Variants in CACNA1D observed in about 807,000 individuals in gnomAD.
The protein encoded by CACNA1D is calcium voltage-gated channel subunit alpha1 D.
Under a neutral mutation model 257.1 loss-of-function variants are expected in CACNA1D, and 55 were observed. The observed-to-expected ratio is 0.21, with a 90% confidence interval of 0.17 to 0.27. The LOEUF (loss-of-function observed/expected upper bound fraction) is 0.27. Among genes scored for constraint, CACNA1D ranks in the 10% least tolerant of loss-of-function variants. CACNA1D has a pLI of 1.00. For missense variants in CACNA1D, 1,876 were observed against 2,784.0 expected (o/e 0.67, Z 7.34); for synonymous variants, 980 against 1,014.9 (o/e 0.97, Z 0.65).
chr3:53,495,613 C>T lies in CACNA1D; in HGVS notation c.67+380C>T, dbSNP rs889907461. Among the ~76,000 whole-genome samples, 5 of 152,152 alleles carry T rather than the reference C, an allele frequency of 3.3e-5. No homozygotes were observed. Among genetic ancestry groups the T allele is most frequent in the Admixed American group, 1.3e-4 (2 of 15,284 alleles). ...AGCCCCCTTGCCAGCCTCTTCTCGCCTTCCACTCCTCCCCCGCCCCCTCGT... is the reference window on the plus strand; with the variant it reads ...AGCCCCCTTGCCAGCCTCTTCTCGCTTTCCACTCCTCCCCCGCCCCCTCGT... On this transcript the variant is annotated intron_variant, in intron 1 of 47. Transcript: ENST00000350061. The surrounding 1 kb of genome is among the most constrained non-coding windows in gnomAD (Gnocchi z 5.1).
chr3:53,703,954 A>T (rs2094655412), intron 9 of CACNA1D, among the ~76,000 whole-genome samples: 1 of 152,136 alleles, frequency 6.6e-6, no homozygotes, highest in Non-Finnish European at 1.5e-5. Flanking sequence ...CTGGGCCCTG[A>T]AGGATGGATG....
intron 3 of CACNA1D, among the ~76,000 whole-genome samples, chr3:53,633,612 A>G (rs898415): frequency 0.63 from 95,999 of 152,070 alleles, 32,475 homozygotes; most frequent in African/African-American, 0.87. Context: ...CATCCAGCTC[A>G]ATTTCAGCTT....
chr3:53,710,660 G>T (rs2094743791), intron 9 of CACNA1D, among the ~76,000 whole-genome samples: 1 of 152,150 alleles, frequency 6.6e-6, no homozygotes, highest in South Asian at 2.1e-4. Context: ...AGATAGCATT[G>T]CAGTTTTCTT....
intron 3 of CACNA1D, among the ~76,000 whole-genome samples, chr3:53,520,849 C>CCTTTCTTTCTTTCTCT (rs2091527718): frequency 7.5e-6 from 1 of 133,000 alleles, no homozygotes; most frequent in South Asian, 2.6e-4. Flanking sequence ...TTTGCAAACT[C>CCTTTCTTTCTTTCTCT]CTTTCTTTCT....
intron 20 of CACNA1D, among the ~76,000 whole-genome samples, chr3:53,738,497 G>A (rs2095081239): frequency 6.6e-6 from 1 of 152,106 alleles, no homozygotes. Flanking sequence ...AAGGACACAA[G>A]GGCAGTGTTT....
chr3:53,771,568 T>TG, intron 32 of CACNA1D, among the ~76,000 whole-genome samples: 1 of 152,250 alleles, frequency 6.6e-6, no homozygotes, highest in African/African-American at 2.4e-5. Flanking sequence ...GAAGGTAAAG[T>TG]GGGGGCCTCA....
At chr3:53,674,043 C>T (rs1330031667) in intron 8 of CACNA1D, 3 of 613,628 alleles carry the variant, frequency 4.9e-6, no homozygotes, top group Non-Finnish European at 5.9e-6. Context: ...AAACGTTCCC[C>T]CAAAGCCAGT....
intron 3 of CACNA1D, among the ~76,000 whole-genome samples, chr3:53,577,036 A>G (rs1285681870): frequency 3.9e-5 from 6 of 152,168 alleles, no homozygotes; most frequent in Non-Finnish European, 5.9e-5. Context: ...TACAGGGGCA[A>G]TCGGAGCTGT....
intron 8 of CACNA1D, among the ~76,000 whole-genome samples, chr3:53,693,433 A>T (rs979701644): frequency 6.6e-5 from 10 of 151,542 alleles, no homozygotes; most frequent in Non-Finnish European, 2.9e-5. Flanking sequence ...AAAATTTTTT[A>T]AATTGTGAAA....
intron 9 of CACNA1D, 105 bp from the exon 10 acceptor site, chr3:53,718,196 C>T: frequency 4.2e-6 from 4 of 952,510 alleles, no homozygotes; most frequent in Non-Finnish European, 6.8e-6. Context: ...TCACCCTCCT[C>T]CTGGGTTCCG....
chr3:53,539,624 T>C (rs1435599117), intron 3 of CACNA1D, among the ~76,000 whole-genome samples: 1 of 152,190 alleles, frequency 6.6e-6, no homozygotes, highest in Non-Finnish European at 1.5e-5. Flanking sequence ...TTTTGAAGGG[T>C]ATATACATAG....
chr3:53,661,879 G>A lies in CACNA1D; in HGVS notation c.766+1604G>A, dbSNP rs540177843. Among the ~76,000 whole-genome samples the A allele has an allele frequency of 2.6e-5, 4 of 152,318 alleles. No homozygotes were observed. In the South Asian group the frequency reaches 8.3e-4, roughly 32 times the overall value. ...TGAAATTTGATAGGGAGATTTGTAT[G>A]TAACTCTCCCCCAGGTCAGCAGGGA... On this transcript the variant is annotated intron_variant, in intron 5 of 47. Transcript: ENST00000350061.
intron 3 of CACNA1D, among the ~76,000 whole-genome samples, chr3:53,522,748 C>T (rs930282794): frequency 3.3e-5 from 5 of 151,992 alleles, no homozygotes; most frequent in African/African-American, 7.3e-5. Flanking sequence ...TTAGGGTATC[C>T]GCCACCTCAA....
In CACNA1D at chr3:53,753,663, T is replaced by C. The variant is rs2095244013; in HGVS notation, c.3767T>C (p.Val1256Ala). ...GVFTVEMVLK[V>A]IAFKPKGYFS... The stretch of plus-strand genomic sequence containing the variant: ...TTCACCGTCGAGATGGTTTTGAAAG[T>C]CATCGCATTTAAGCCTAAGGTGAGT... The change falls in exon 29 of 48, where the codon GTC (valine) becomes GCC (alanine). Residue 1256 changes from valine to alanine, a missense_variant. Physicochemically the swap from Val to Ala is moderately conservative, Grantham distance 64. Coordinates refer to ENST00000350061, the MANE Select transcript of CACNA1D (RefSeq NM_001128840.3). 2 of 1,610,390 alleles carry C rather than the reference T, an allele frequency of 1.2e-6. No homozygotes were observed. The highest frequency in any genetic ancestry group is 1.7e-6 in the Non-Finnish European group (2 of 1,176,494).
Position 53,542,459 on chromosome 3 carries a change from A to G in CACNA1D, c.483+40739A>G, listed in dbSNP as rs1042428462. Among the ~76,000 whole-genome samples the G allele has an allele frequency of 3.9e-5, 6 of 152,110 alleles. 1 individual carries two copies. The highest frequency in any genetic ancestry group is 9.7e-5 in the African/African-American group (4 of 41,400). On this transcript the variant is annotated intron_variant, in intron 3 of 47. Coordinates refer to ENST00000350061, the MANE Select transcript of CACNA1D (RefSeq NM_001128840.3). ...CAGAGCATGGTGGTGGTGTGGCTGT[A>G]GCACTAGCTACTCAAGAGGCTGAGG...
chr3:53,808,413 CAAA>C (rs373675018), intron 45 of CACNA1D: 523 of 419,106 alleles, frequency 1.2e-3, no homozygotes, highest in East Asian at 1.9e-3. Flanking sequence ...GACTCCATCT[CAAA>C]AAAAAAAAAA....
intron 8 of CACNA1D, among the ~76,000 whole-genome samples, chr3:53,676,582 C>T (rs551528259): frequency 2.0e-5 from 3 of 152,344 alleles, no homozygotes; most frequent in South Asian, 2.1e-4. Context: ...TGATTGCCTT[C>T]TCACGAGGAA....
At chr3:53,753,710 G>T in intron 29 of CACNA1D, 28 bp downstream of exon 29, 1 of 1,371,780 alleles carries the variant, frequency 7.3e-7, no homozygotes, top group South Asian at 1.2e-5. Context: ...CTTTTCAAAG[G>T]TTGTTGCTGA....
intron 16 of CACNA1D, 73 bp downstream of exon 16, chr3:53,730,629 G>C: frequency 8.8e-7 from 1 of 1,138,386 alleles, no homozygotes; most frequent in Non-Finnish European, 1.3e-6. Flanking sequence ...CAGCCTGCCA[G>C]GCTTACCCCC....
Sources: gnomAD v4.1 joint callset for allele counts (sites outside exome capture counted in the v4.1 genomes callset) on GRCh38, gnomAD v4.1.1 for gene constraint, Gnocchi (gnomAD v3.1) non-coding constraint, MANE v1.5 for transcripts, NCBI Gene and HGNC (gene_info 2026-07-23, HGNC 2026-07-21) for gene names.